The following NTF3 variants were observed in gnomAD, a reference collection of about 807,000 sequenced individuals.
NTF3 encodes the protein neurotrophin-3.
Under a neutral mutation model 26.3 loss-of-function variants are expected in NTF3, and 8 were observed. The observed-to-expected ratio is 0.30, with a 90% CI of 0.18 to 0.55. NTF3 has a LOEUF of 0.55. Among genes scored for constraint, NTF3 ranks in the 20% least tolerant of loss-of-function variants. NTF3 has a pLI of 0.93. For synonymous variants in NTF3, 154 were observed against 145.5 expected (o/e 1.06, Z -0.42); for missense variants, 276 against 352.9 (o/e 0.78, Z 1.75).
At chr12:5,474,587 G>C (rs1403580821) in intron 1 of NTF3, among the ~76,000 whole-genome samples, 2 of 152,218 alleles carry the variant, frequency 1.3e-5, no homozygotes, top group African/African-American at 2.4e-5. Context: ...AGACAATGCT[G>C]AGGAATTTTA....
At chr12:5,457,638 G>A (rs146825822) in intron 1 of NTF3, among the ~76,000 whole-genome samples, 1 of 152,188 alleles carries the variant, frequency 6.6e-6, no homozygotes, top group East Asian at 1.9e-4. Flanking sequence ...CAATTACTTT[G>A]TGTTAGCTAC....
intron 1 of NTF3, among the ~76,000 whole-genome samples, chr12:5,454,514 C>T (rs193233128): frequency 6.6e-6 from 1 of 152,308 alleles, no homozygotes; most frequent in Non-Finnish European, 1.5e-5. Context: ...TGTTGGGCAC[C>T]TGTAACTCCT....
At chr12:5,462,225 T>G (rs1214947064) in intron 1 of NTF3, among the ~76,000 whole-genome samples, 1 of 152,240 alleles carries the variant, frequency 6.6e-6, no homozygotes, top group Non-Finnish European at 1.5e-5. Context: ...CAAAGGTTTT[T>G]TAATCCTCCA....
At chr12:5,476,857 G>A (rs981520175) in intron 1 of NTF3, among the ~76,000 whole-genome samples, 1 of 152,112 alleles carries the variant, frequency 6.6e-6, no homozygotes, top group African/African-American at 2.4e-5. Context: ...GTTCCAGAAT[G>A]ATGTATATTA....
intron 1 of NTF3, among the ~76,000 whole-genome samples, chr12:5,462,038 T>C (rs529853534): frequency 1.7e-4 from 26 of 152,356 alleles, no homozygotes; most frequent in Admixed American, 1.4e-3. Context: ...GCCTGTTCTT[T>C]CATTGAATTA....
intron 1 of NTF3, among the ~76,000 whole-genome samples, chr12:5,449,019 T>C (rs552389093): frequency 3.3e-5 from 5 of 152,298 alleles, no homozygotes; most frequent in Admixed American, 3.3e-4. Context: ...TTATAGTACA[T>C]GTAGGGAAAT....
At chr12:5,448,713 A>G (rs1188473482) in intron 1 of NTF3, among the ~76,000 whole-genome samples, 1 of 152,228 alleles carries the variant, frequency 6.6e-6, no homozygotes, top group Non-Finnish European at 1.5e-5. Flanking sequence ...GAAGGAAGCT[A>G]TCGCATTGTT....
At chr12:5,463,983 G>T (rs1202125557) in intron 1 of NTF3, among the ~76,000 whole-genome samples, 1 of 152,190 alleles carries the variant, frequency 6.6e-6, no homozygotes, top group South Asian at 2.1e-4. Context: ...AGTGGTATTT[G>T]TTTCCACATG....
At chr12:5,452,096 CTTTTTT>C (rs56032205) in intron 1 of NTF3, among the ~76,000 whole-genome samples, 3 of 127,006 alleles carry the variant, frequency 2.4e-5, no homozygotes, top group Non-Finnish European at 3.3e-5. Context: ...TTTTTCTTTT[CTTTTTT>C]TTTTTTTTTT....
intron 1 of NTF3, among the ~76,000 whole-genome samples, chr12:5,441,555 G>A (rs1311529411): frequency 6.6e-6 from 1 of 152,160 alleles, no homozygotes; most frequent in Non-Finnish European, 1.5e-5. Flanking sequence ...GCCTCCTGAT[G>A]CCACTTAGCA....
At chr12:5,493,549 C>T (rs1400349326) in intron 1 of NTF3, among the ~76,000 whole-genome samples, 1 of 152,100 alleles carries the variant, frequency 6.6e-6, no homozygotes, top group Non-Finnish European at 1.5e-5. Context: ...TCAGAAAGCT[C>T]GGCAGAGCAC....
chr12:5,490,593 A>C (rs1940923682), intron 1 of NTF3, among the ~76,000 whole-genome samples: 1 of 152,188 alleles, frequency 6.6e-6, no homozygotes, highest in Non-Finnish European at 1.5e-5. Flanking sequence ...CCCACCCCGG[A>C]CATGGAGTGA....
At chr12:5,440,697 A>G (rs68005060) in intron 1 of NTF3, among the ~76,000 whole-genome samples, 13,300 of 152,220 alleles carry the variant, frequency 0.087, 625 homozygotes, top group South Asian at 0.12. Context: ...GTGTGACTTT[A>G]AGCAAATCAC....
At chr12:5,455,252 C>T (rs959832258) in intron 1 of NTF3, among the ~76,000 whole-genome samples, 1 of 152,204 alleles carries the variant, frequency 6.6e-6, no homozygotes, top group African/African-American at 2.4e-5. Flanking sequence ...CACACGCAAG[C>T]GTGCTACTCC....
At chr12:5,464,632 T>G (rs952969620) in intron 1 of NTF3, among the ~76,000 whole-genome samples, 10 of 152,286 alleles carry the variant, frequency 6.6e-5, no homozygotes, top group Admixed American at 2.0e-4. Flanking sequence ...ATCTGCATAC[T>G]AACTGCTGAA....
intron 1 of NTF3, among the ~76,000 whole-genome samples, chr12:5,450,961 T>G (rs1191590966): frequency 6.6e-6 from 1 of 152,216 alleles, no homozygotes; most frequent in Admixed American, 6.5e-5. Context: ...CAAGATTAAA[T>G]GTCTAGGAAG....
chr12:5,451,264 A>G (rs1309984948), intron 1 of NTF3, among the ~76,000 whole-genome samples: 5 of 152,230 alleles, frequency 3.3e-5, no homozygotes, highest in Non-Finnish European at 7.3e-5. Context: ...ATCAGCAGGT[A>G]TAGTTAATAT....
chr12:5,485,025 G>C (rs532891079), intron 1 of NTF3, among the ~76,000 whole-genome samples: 2 of 152,244 alleles, frequency 1.3e-5, no homozygotes, highest in East Asian at 3.9e-4. Context: ...CACCTTCAAC[G>C]CTCCAGCCAT....
At chr12:5,473,001 A>G (rs368904468) in intron 1 of NTF3, among the ~76,000 whole-genome samples, 31 of 152,290 alleles carry the variant, frequency 2.0e-4, no homozygotes, top group African/African-American at 5.8e-4. Context: ...AGCTAGATAT[A>G]TTCTTGAAAG....
Sources: gnomAD v4.1 joint callset for allele counts (sites outside exome capture counted in the v4.1 genomes callset) on GRCh38, gnomAD v4.1.1 for gene constraint, MANE v1.5 for transcripts, NCBI Gene and HGNC (gene_info 2026-07-23, HGNC 2026-07-21) for gene names.